Variants in CAMK1D observed in about 807,000 individuals in gnomAD.
The protein encoded by CAMK1D is calcium/calmodulin dependent protein kinase ID.
A neutral mutation model predicts 47.7 loss-of-function variants in CAMK1D; 9 were observed. The ratio of observed to expected loss-of-function variants is 0.19; its 90% CI spans 0.11 to 0.33. The LOEUF is 0.33. Ranked by LOEUF, CAMK1D falls within the 10% of genes least tolerant of loss-of-function variation. CAMK1D has a pLI of 1.00. For missense variants in CAMK1D, 291 were observed against 488.7 expected (o/e 0.60, Z 3.81); for synonymous variants, 184 against 184.9 (o/e 0.99, Z 0.04).
chr10:12,819,476 C>A (rs565073124), intron 8 of CAMK1D, among the ~76,000 whole-genome samples: 1 of 152,356 alleles, frequency 6.6e-6, no homozygotes, highest in East Asian at 1.9e-4. Flanking sequence ...TCACCACTCA[C>A]TGCCCGTGTG....
intron 2 of CAMK1D, among the ~76,000 whole-genome samples, chr10:12,594,656 C>G (rs1401367885): frequency 6.6e-6 from 1 of 152,188 alleles, no homozygotes; most frequent in African/African-American, 2.4e-5. Flanking sequence ...GAAACATTTC[C>G]CATGGTTGGA....
At chr10:12,425,639 C>A (rs888077022) in intron 1 of CAMK1D, among the ~76,000 whole-genome samples, 1 of 152,218 alleles carries the variant, frequency 6.6e-6, no homozygotes, top group Non-Finnish European at 1.5e-5. Flanking sequence ...GCACCACTTA[C>A]TGCCTGGGAT....
At chr10:12,818,441 C>T (rs1029944209) in intron 8 of CAMK1D, among the ~76,000 whole-genome samples, 2 of 152,094 alleles carry the variant, frequency 1.3e-5, no homozygotes, top group East Asian at 3.9e-4. Flanking sequence ...GAGGCCAAGG[C>T]GGGTAGGTCA....
At chr10:12,494,399 A>G (rs1282873214) in intron 1 of CAMK1D, among the ~76,000 whole-genome samples, 3 of 152,120 alleles carry the variant, frequency 2.0e-5, no homozygotes, top group Admixed American at 6.6e-5. Flanking sequence ...AATTTTTAAT[A>G]TTAATGTTAC....
intron 5 of CAMK1D, among the ~76,000 whole-genome samples, chr10:12,773,644 G>C (rs1228145414): frequency 6.6e-6 from 1 of 152,328 alleles, no homozygotes; most frequent in African/African-American, 2.4e-5. Flanking sequence ...TGTAATCCCA[G>C]CTCCTTGGGA....
At chr10:12,572,349 T>C (rs765206129) in intron 2 of CAMK1D, among the ~76,000 whole-genome samples, 3 of 152,242 alleles carry the variant, frequency 2.0e-5, no homozygotes, top group Non-Finnish European at 4.4e-5. Flanking sequence ...CCTGCCACCA[T>C]GTAAGACGTG....
At chr10:12,355,148 G>A (rs565957628) in intron 1 of CAMK1D, among the ~76,000 whole-genome samples, 4 of 152,244 alleles carry the variant, frequency 2.6e-5, no homozygotes, top group African/African-American at 9.6e-5. Context: ...TAGCTCTGGA[G>A]GGACATTTTT....
intron 1 of CAMK1D, among the ~76,000 whole-genome samples, chr10:12,367,656 C>G (rs963340526): frequency 2.8e-4 from 43 of 152,090 alleles, no homozygotes; most frequent in African/African-American, 1.0e-3. Flanking sequence ...GAGCACACAA[C>G]CTAGATCCCT....
intron 2 of CAMK1D, among the ~76,000 whole-genome samples, chr10:12,643,024 C>T (rs12416235): frequency 0.26 from 39,378 of 152,028 alleles, 5,269 homozygotes; most frequent in South Asian, 0.38. Context: ...TTGTTTGACA[C>T]GGAGTCTTAC....
At chr10:12,669,531 T>C (rs957017347) in intron 3 of CAMK1D, among the ~76,000 whole-genome samples, 7 of 152,180 alleles carry the variant, frequency 4.6e-5, no homozygotes, top group African/African-American at 1.7e-4. Flanking sequence ...ACCAATCAAC[T>C]TTATTGGGGT....
At chr10:12,805,040 C>T (rs1838663830) in intron 6 of CAMK1D, among the ~76,000 whole-genome samples, 2 of 151,094 alleles carry the variant, frequency 1.3e-5, no homozygotes, top group Admixed American at 6.6e-5. Context: ...GTAGGCGGAT[C>T]ACGAGGTCAG....
chr10:12,827,499 TTTCTTTC>T (rs1282650598), intron 10 of CAMK1D, among the ~76,000 whole-genome samples: 2 of 13,086 alleles, frequency 1.5e-4, no homozygotes, highest in African/African-American at 4.4e-4. Context: ...TCTTTCTTTC[TTTCTTTC>T]TTTCTTTCTT....
intron 3 of CAMK1D, among the ~76,000 whole-genome samples, chr10:12,748,320 G>A (rs560485057): frequency 5.3e-5 from 8 of 152,256 alleles, no homozygotes; most frequent in African/African-American, 1.7e-4. Context: ...AAGACATTGA[G>A]AACAAAGAAG....
chr10:12,717,267 A>G (rs1480341267), intron 3 of CAMK1D, among the ~76,000 whole-genome samples: 1 of 152,116 alleles, frequency 6.6e-6, no homozygotes, highest in East Asian at 1.9e-4. Context: ...ATAATGAGGA[A>G]CTCTTAACTG....
chr10:12,570,372 A>G (rs937838638), intron 2 of CAMK1D, among the ~76,000 whole-genome samples: 4 of 150,930 alleles, frequency 2.7e-5, no homozygotes, highest in Non-Finnish European at 5.9e-5. Flanking sequence ...CCTCCTCTTC[A>G]TTTACCTTTT....
chr10:12,435,558 A>G (rs1028898209), intron 1 of CAMK1D, among the ~76,000 whole-genome samples: 1 of 151,794 alleles, frequency 6.6e-6, no homozygotes, highest in African/African-American at 2.4e-5. Context: ...GTCTGTTGGC[A>G]GCTCTGAGTC....
At chr10:12,483,978 T>C (rs566288634) in intron 1 of CAMK1D, among the ~76,000 whole-genome samples, 2 of 152,326 alleles carry the variant, frequency 1.3e-5, no homozygotes, top group South Asian at 4.1e-4. Flanking sequence ...GCCACTGTGC[T>C]TGGCCTCCAG....
chr10:12,546,865 G>A (rs559554241), intron 1 of CAMK1D, among the ~76,000 whole-genome samples: 14 of 152,050 alleles, frequency 9.2e-5, no homozygotes, highest in African/African-American at 2.7e-4. Flanking sequence ...GCTAAATGAC[G>A]AGTTAATGGG....
intron 1 of CAMK1D, among the ~76,000 whole-genome samples, chr10:12,355,043 G>A (rs958652956): frequency 2.0e-5 from 3 of 151,556 alleles, no homozygotes; most frequent in Admixed American, 6.6e-5. Flanking sequence ...GAGTTTTGCT[G>A]TGTTGCCCAG....
Sources: allele counts gnomAD v4.1 joint callset (sites outside exome capture counted in the v4.1 genomes callset), GRCh38; gene constraint gnomAD v4.1.1; transcripts MANE v1.5; gene names NCBI Gene and HGNC (gene_info 2026-07-23, HGNC 2026-07-21).